Variants in TRIT1 observed in about 807,000 individuals in gnomAD.
The protein encoded by TRIT1 is tRNA isopentenyltransferase 1, also known as tRNA dimethylallyltransferase.
Under a neutral mutation model 51.2 loss-of-function variants are expected in TRIT1, and 43 were observed. That is an observed-to-expected ratio of 0.84 (90% confidence interval 0.66 to 1.08). TRIT1 has a LOEUF of 1.08. Among genes scored for constraint, TRIT1 ranks in the 50% least tolerant of loss-of-function variants. The pLI is 0.00. For synonymous variants in TRIT1, 184 were observed against 203.9 expected, an observed-to-expected ratio of 0.90 and a Z score of 0.83; for missense variants, 528 against 578.4, an observed-to-expected ratio of 0.91 and a Z score of 0.89.
In TRIT1 at chr1:39,848,072, C is replaced by T; in HGVS notation, c.729G>A (p.Arg243=). 1 of 1,614,108 alleles carries T rather than the reference C, an allele frequency of 6.2e-7. No individual in the cohort carries two copies. Among genetic ancestry groups the T allele is most frequent in the Non-Finnish European group, 8.5e-7 (1 of 1,180,020 alleles). Residue 243 remains arginine (R), a synonymous_variant, in exon 6 of 11, where the codon AGG becomes AGA. Transcript: ENST00000316891. ...GCCCAGCAGCAAGCATGTCATCCAC[C>T]CTCTTATCCAAGCGCTCATCTAGAA... ...QAVLDERLDK[R]VDDMLAAGLL...
chr1:39,874,428 T>C (rs1460793594), intron 1 of TRIT1, among the ~76,000 whole-genome samples: 1 of 152,158 alleles, frequency 6.6e-6, no homozygotes, highest in African/African-American at 2.4e-5. Context: ...TATAGCTATA[T>C]ACATTAACAT....
chr1:39,867,059 T>G lies in TRIT1; in HGVS notation c.175-9642A>C, dbSNP rs373611893. On this transcript the variant is annotated intron_variant, in intron 1 of 10. Transcript: ENST00000316891. ...GTGTGATGAGACTCATGGTTTGGAA[T>G]TTATAGTGCAGATTATGGCTTTTAT... is the stretch of plus-strand genomic sequence containing the variant. Among the ~76,000 whole-genome samples the G allele has an allele frequency of 2.2e-4, 33 of 152,344 alleles. 1 individual carries two copies. The South Asian group carries it at 6.4e-3, about 30-fold the overall frequency.
intron 1 of TRIT1, among the ~76,000 whole-genome samples, chr1:39,864,372 G>A (rs904434551): frequency 4.0e-5 from 6 of 151,836 alleles, no homozygotes; most frequent in Admixed American, 3.3e-4. Flanking sequence ...CACTTTGGGA[G>A]GCTGAGGCAG....
At chr1:39,881,257 T>C (rs975419218) in intron 1 of TRIT1, among the ~76,000 whole-genome samples, 10 of 147,656 alleles carry the variant, frequency 6.8e-5, no homozygotes, top group Admixed American at 1.3e-4. Flanking sequence ...AAGAAAGAAA[T>C]GATAGAACAT....
intron 5 of TRIT1, 62 bp from the exon 6 acceptor site, chr1:39,848,159 T>C (rs767697080): frequency 4.8e-6 from 6 of 1,238,414 alleles, no homozygotes; most frequent in Non-Finnish European, 7.1e-6. Flanking sequence ...TATACTTACA[T>C]GACGAGTGAA....
At chr1:39,859,468 C>A (rs1197403872) in intron 1 of TRIT1, among the ~76,000 whole-genome samples, 1 of 150,514 alleles carries the variant, frequency 6.6e-6, no homozygotes, top group African/African-American at 2.4e-5. Context: ...ACCTGTAGTT[C>A]CGCTACTGGG....
chr1:39,862,570 C>T (rs1557561426), intron 1 of TRIT1, among the ~76,000 whole-genome samples: 1 of 152,144 alleles, frequency 6.6e-6, no homozygotes, highest in Non-Finnish European at 1.5e-5. Flanking sequence ...TAAAATCATA[C>T]TGCACAGTTA....
intron 1 of TRIT1, among the ~76,000 whole-genome samples, chr1:39,866,492 C>A (rs145388181): frequency 1.3e-5 from 2 of 152,058 alleles, no homozygotes; most frequent in African/African-American, 4.8e-5. Context: ...TTGAAGAGTA[C>A]GGGAAAGGCT....
rs568633902 is a variant in TRIT1, at chr1:39,843,408, T to C, written c.1234+693A>G. The stretch of plus-strand genomic sequence containing the variant: ...GGCTTTGACTGGATGACTACAGAAA[T>C]CTGAAAATCCAATGATGTGTGTGCA... On this transcript the variant is annotated intron_variant, in intron 10 of 10. Transcript: ENST00000316891. Among the ~76,000 whole-genome samples, 6 of 152,220 alleles carry C rather than the reference T, an allele frequency of 3.9e-5. No individual in the cohort carries two copies. The East Asian group carries it at 9.6e-4, about 24-fold the overall frequency.
intron 1 of TRIT1, among the ~76,000 whole-genome samples, chr1:39,867,193 T>G (rs996569239): frequency 2.0e-5 from 3 of 152,218 alleles, no homozygotes; most frequent in African/African-American, 7.2e-5. Context: ...TTGCCCTTGC[T>G]GAAGTGCAGT....
chr1:39,840,575 C>T lies in TRIT1; in HGVS notation c.*1169G>A, dbSNP rs569855114. 2.6e-4 allele frequency among the ~76,000 whole-genome samples: 39 copies of T among 152,314 alleles called. No individual in the cohort carries two copies. The highest frequency in any genetic ancestry group is 8.7e-4 in the African/African-American group (36 of 41,582). ...AGGCAAGAACCACATCTCATCTCTG[C>T]ATTCCCTTTAGCCTAATTCAGGGCC... is the stretch of plus-strand genomic sequence containing the variant. On this transcript the variant is annotated 3_prime_UTR_variant, in exon 11 of 11. Transcript: ENST00000316891.
chr1:39,852,763 C>T lies in TRIT1; in HGVS notation c.528G>A (p.Lys176=). 9 of 1,614,124 alleles carry T rather than the reference C, an allele frequency of 5.6e-6. No individual in the cohort carries two copies. The highest frequency in any genetic ancestry group is 7.6e-6 in the Non-Finnish European group (9 of 1,179,986). Residue 176 remains lysine (K), a synonymous_variant, in exon 4 of 11, where the codon AAG becomes AAA. Coordinates refer to ENST00000316891, the MANE Select transcript of TRIT1 (RefSeq NM_017646.6). The part of the protein sequence containing the change: ...LSQVDPEMAA[K]LHPHDKRKVA... Reference sequence around the variant, plus strand: ...CTTTGCGTTTGTCATGTGGATGCAGCTTGGCAGCCATTTCTGGGTCCACCT... The same window carrying T: ...CTTTGCGTTTGTCATGTGGATGCAGTTTGGCAGCCATTTCTGGGTCCACCT...
In TRIT1 at chr1:39,841,587, T is replaced by C. The variant is rs914203959; in HGVS notation, c.*157A>G. 2 of 685,004 alleles carry C rather than the reference T, an allele frequency of 2.9e-6. No homozygotes were observed. The highest frequency in any genetic ancestry group is 2.8e-5 in the Admixed American group (1 of 35,764). 42.4% of individuals were successfully genotyped at this position (685,004 alleles called of 1,614,324 possible). A position where few individuals can be genotyped will look rare whatever the true frequency, so the allele number is the denominator to read the frequency against. On this transcript the variant is annotated 3_prime_UTR_variant, in exon 11 of 11. Transcript: ENST00000316891. ...CCTGCTGTTTCTATTATAGAGAACGTGAGACTTTAAAACCACATCAAAAGA... is the reference window on the plus strand; with the variant it reads ...CCTGCTGTTTCTATTATAGAGAACGCGAGACTTTAAAACCACATCAAAAGA...
At chr1:39,862,369 T>A (rs1643302662) in intron 1 of TRIT1, among the ~76,000 whole-genome samples, 1 of 151,628 alleles carries the variant, frequency 6.6e-6, no homozygotes. Context: ...AAGAAACTAG[T>A]GAATAGCAGC....
rs897631936 is a variant in TRIT1 at position 39,857,923 on chromosome 1, A to G, written c.175-506T>C. Among the ~76,000 whole-genome samples the G allele has an allele frequency of 9.0e-4, 137 of 152,334 alleles. 1 individual carries two copies. The highest frequency in any genetic ancestry group is 3.2e-3 in the African/African-American group (131 of 41,572). ...AAAAATACATATAAAACATACACAT[A>G]CACACTTTGAAGTCAGAACCCCTAA... is the stretch of plus-strand genomic sequence containing the variant. On this transcript the variant is annotated intron_variant, in intron 1 of 10. Transcript: ENST00000316891.
intron 1 of TRIT1, chr1:39,876,035 G>T (rs1644042134): frequency 6.6e-6 from 1 of 152,050 alleles, no homozygotes; most frequent in Non-Finnish European, 1.5e-5. Context: ...GCCACAATGA[G>T]GGAGGTACAG....
intron 1 of TRIT1, 124 bp from the exon 2 acceptor site, chr1:39,857,541 G>A: frequency 8.5e-6 from 9 of 1,057,778 alleles, no homozygotes; most frequent in Non-Finnish European, 1.2e-5. Flanking sequence ...AAGCACCAGG[G>A]TAGATGTATT....
chr1:39,842,282 C>T (rs1270572785), intron 10 of TRIT1, among the ~76,000 whole-genome samples: 3 of 152,208 alleles, frequency 2.0e-5, no homozygotes, highest in Non-Finnish European at 1.5e-5. Context: ...TCTACTTAGA[C>T]CTATAGCTCC....
Position 39,848,014 on chromosome 1 carries a change from A to C in TRIT1, c.787T>G (p.Tyr263Asp), listed in dbSNP as rs770852136. The C allele has an allele frequency of 2.5e-6, 4 of 1,614,192 alleles. No individual in the cohort carries two copies. ...TTTTCCGAAACATTCTTCTGATTAT[A>C]GCGTCTGTGAAAATCTCTTAGTTCC... ...LEELRDFHRR[Y>D]NQKNVSENSQ... The change falls in exon 6 of 11, where the codon TAT becomes GAT. Residue 263 changes from tyrosine to aspartate, a missense_variant. Physicochemically the swap from Tyr to Asp is radical, Grantham distance 160. Transcript: ENST00000316891.
Sources: allele counts gnomAD v4.1 joint callset (sites outside exome capture counted in the v4.1 genomes callset), GRCh38; gene constraint gnomAD v4.1.1; transcripts MANE v1.5; gene names NCBI Gene and HGNC (gene_info 2026-07-23, HGNC 2026-07-21).